Variants in DPYSL2 observed in about 807,000 individuals in gnomAD.
The protein encoded by DPYSL2 is dihydropyrimidinase-related protein 2.
A neutral mutation model predicts 69.9 loss-of-function variants in DPYSL2; 13 were observed. That is an observed-to-expected ratio of 0.19 (90% CI 0.12 to 0.30). DPYSL2 has a LOEUF of 0.30. DPYSL2 is among the 10% of genes least tolerant of loss of function. The pLI, the probability that DPYSL2 is intolerant of heterozygous loss-of-function variation, is 1.00. For synonymous variants in DPYSL2, 326 were observed against 359.1 expected, an observed-to-expected ratio of 0.91 and a Z score of 1.04; for missense variants, 587 against 918.9, an observed-to-expected ratio of 0.64 and a Z score of 4.67.
At chr8:26,613,984 A>G (rs113781049) in intron 3 of DPYSL2, among the ~76,000 whole-genome samples, 7 of 152,140 alleles carry the variant, frequency 4.6e-5, no homozygotes, top group African/African-American at 1.7e-4. Flanking sequence ...TTAAAAATTA[A>G]CTGGGCATGG....
rs751054559 is a variant in DPYSL2 at position 26,627,957 on chromosome 8, C to T, written c.1005+17C>T. 1.2e-5 allele frequency: 20 copies of T among 1,611,782 alleles called. No individual in the cohort carries two copies. Among genetic ancestry groups the T allele is most frequent in the East Asian group, 4.5e-5 (2 of 44,828 alleles). ...CCTGAGGAGGTGAATGTTCACCAAG[C>T]GGAATGCGTGAATCAGTGTCCCTTG... On this transcript the variant is annotated intron_variant, in intron 7 of 13. Transcript: ENST00000521913. The surrounding 1 kb of genome is among the most constrained non-coding windows in gnomAD (Gnocchi z 6.9).
intron 1 of DPYSL2, among the ~76,000 whole-genome samples, chr8:26,569,512 T>A (rs62491884): frequency 0.014 from 2,070 of 152,252 alleles, 26 homozygotes; most frequent in Middle Eastern, 0.075. Flanking sequence ...TTTAGAAAGG[T>A]TCTCCTGTTC....
chr8:26,549,201 T>TAATAATAATAAC (rs1554534391), intron 1 of DPYSL2, among the ~76,000 whole-genome samples: 1 of 20,888 alleles, frequency 4.8e-5, no homozygotes, highest in Non-Finnish European at 1.6e-4. Context: ...AAAATTAAGT[T>TAATAATAATAAC]AATAATAATA....
Position 26,562,781 on chromosome 8 carries a change from G to T in DPYSL2, c.355-19188G>T, listed in dbSNP as rs1196461523. Among the ~76,000 whole-genome samples the T allele has an allele frequency of 6.6e-6, 1 of 152,164 alleles. No individual in the cohort carries two copies. Among genetic ancestry groups the T allele is most frequent in the Non-Finnish European group, 1.5e-5 (1 of 68,046 alleles). On this transcript the variant is annotated intron_variant, in intron 1 of 13. Transcript: ENST00000521913. The surrounding 1 kb of genome is among the most constrained non-coding windows in gnomAD (Gnocchi z 4.9). Reference sequence around the variant, plus strand: ...GAACACAGTAGAGCAGGGATATGTTGTCTCTGCTCCACGATGTCTAGGGCC... The same window carrying T: ...GAACACAGTAGAGCAGGGATATGTTTTCTCTGCTCCACGATGTCTAGGGCC...
intron 3 of DPYSL2, among the ~76,000 whole-genome samples, chr8:26,611,527 C>T (rs900380044): frequency 3.3e-5 from 5 of 152,128 alleles, no homozygotes; most frequent in Non-Finnish European, 7.4e-5. Context: ...AAGCCAAGTT[C>T]GTGTTTCTCC....
intron 1 of DPYSL2, among the ~76,000 whole-genome samples, chr8:26,526,506 T>C (rs994165343): frequency 3.3e-5 from 5 of 152,252 alleles, no homozygotes; most frequent in African/African-American, 1.2e-4. Flanking sequence ...ATAATAGTCT[T>C]GTGCGTTTTT....
chr8:26,626,653 A>G lies in DPYSL2; in HGVS notation c.830A>G (p.Asp277Gly). ...NSFLVYMAFK[D>G]RFQLTDCQIY... The stretch of plus-strand genomic sequence containing the variant: ...TTCCTCGTGTACATGGCTTTCAAAG[A>G]TCGCTTCCAGCTAACGGATTGCCAG... The change falls in exon 5 of 14, where the codon GAT becomes GGT. Residue 277 changes from aspartate to glycine, a missense_variant. By Grantham distance (94) the Asp-to-Gly change is moderately conservative (BLOSUM62 -1). Coordinates refer to ENST00000521913, the MANE Select transcript of DPYSL2 (RefSeq NM_001197293.3). This position sits in a 1 kb window ranked among gnomAD's most constrained non-coding sequence, Gnocchi z 4.3. The G allele has an allele frequency of 6.2e-7, 1 of 1,614,188 alleles. No homozygotes were observed. The highest frequency in any genetic ancestry group is 8.5e-7 in the Non-Finnish European group (1 of 1,180,042).
In DPYSL2 at chr8:26,648,624, C is replaced by T. The variant is rs937422529; in HGVS notation, c.1596+824C>T. Reference sequence around the variant, plus strand: ...GGAGAGCTTTGGAAAAGAAATGGGCCTCGGGCAGAAGAGTTTCGTGTCAGG... The same window carrying T: ...GGAGAGCTTTGGAAAAGAAATGGGCTTCGGGCAGAAGAGTTTCGTGTCAGG... On this transcript the variant is annotated intron_variant, in intron 11 of 13. Transcript: ENST00000521913. This position sits in a 1 kb window ranked among gnomAD's most constrained non-coding sequence, Gnocchi z 4.3. 6.6e-6 allele frequency among the ~76,000 whole-genome samples: 1 copy of T among 152,178 alleles called. No homozygotes were observed. The highest frequency in any genetic ancestry group is 2.4e-5 in the African/African-American group (1 of 41,446).
At chr8:26,526,105 A>AT (rs1319529150) in intron 1 of DPYSL2, among the ~76,000 whole-genome samples, 1 of 151,348 alleles carries the variant, frequency 6.6e-6, no homozygotes, top group Non-Finnish European at 1.5e-5. Flanking sequence ...ATTTTATTTT[A>AT]TTTTTTCGAG....
In DPYSL2 at chr8:26,571,186, G is replaced by T. The variant is rs1801229304; in HGVS notation, c.355-10783G>T. ...ATGTTTTCCTCCTTCTATAAATAGA[G>T]GGTGGAGTGGGCTGGATCTGTCGCT... On this transcript the variant is annotated intron_variant, in intron 1 of 13. Transcript: ENST00000521913. The surrounding 1 kb of genome is among the most constrained non-coding windows in gnomAD (Gnocchi z 6.1). 6.6e-6 allele frequency among the ~76,000 whole-genome samples: 1 copy of T among 152,176 alleles called. No individual in the cohort carries two copies. Among genetic ancestry groups the T allele is most frequent in the Admixed American group, 6.6e-5 (1 of 15,266 alleles).
chr8:26,629,896 C>T (rs758311546), intron 7 of DPYSL2, among the ~76,000 whole-genome samples: 20 of 152,190 alleles, frequency 1.3e-4, no homozygotes, highest in Non-Finnish European at 2.8e-4. Flanking sequence ...CGCGCCCGGC[C>T]GAGGCTGATT....
In DPYSL2 at chr8:26,599,372, T is replaced by C. The variant is rs116578174; in HGVS notation, c.628+15389T>C. 6.7e-3 allele frequency among the ~76,000 whole-genome samples: 1,021 copies of C among 152,312 alleles called. 15 individuals are homozygous for C. The highest frequency in any genetic ancestry group is 0.023 in the African/African-American group (955 of 41,574). Reference sequence around the variant, plus strand: ...TCTGTCCATGATTGTGTCTGAAATGTCATTTTTTCTGGTTGTTTTCCCTCT... The same window carrying C: ...TCTGTCCATGATTGTGTCTGAAATGCCATTTTTTCTGGTTGTTTTCCCTCT... On this transcript the variant is annotated intron_variant, in intron 3 of 13. Coordinates refer to ENST00000521913, the MANE Select transcript of DPYSL2 (RefSeq NM_001197293.3).
Position 26,517,261 on chromosome 8 carries a change from T to G in DPYSL2, c.354+2582T>G, listed in dbSNP as rs915410118. On this transcript the variant is annotated intron_variant, in intron 1 of 13. Coordinates refer to ENST00000521913, the MANE Select transcript of DPYSL2 (RefSeq NM_001197293.3). The surrounding 1 kb of genome is among the most constrained non-coding windows in gnomAD (Gnocchi z 4.2). ...AGGCTTCCTTGACCCACATGCCACA[T>G]GGCTCATGGAAGATGAGAGATGTTG... Among the ~76,000 whole-genome samples the G allele has an allele frequency of 6.6e-6, 1 of 152,204 alleles. No individual in the cohort carries two copies. Among genetic ancestry groups the G allele is most frequent in the East Asian group, 1.9e-4 (1 of 5,190 alleles).
chr8:26,587,045 G>A lies in DPYSL2; in HGVS notation c.628+3062G>A, dbSNP rs1159470003. Among the ~76,000 whole-genome samples, 3 of 152,216 alleles carry A rather than the reference G, an allele frequency of 2.0e-5. No individual in the cohort carries two copies. The highest frequency in any genetic ancestry group is 4.4e-5 in the Non-Finnish European group (3 of 68,042). On this transcript the variant is annotated intron_variant, in intron 3 of 13. Transcript: ENST00000521913. This position sits in a 1 kb window ranked among gnomAD's most constrained non-coding sequence, Gnocchi z 4.2. The stretch of plus-strand genomic sequence containing the variant: ...TACTAGCCTGCCTTTCCCCGGGGGA[G>A]GGAATGGTAATAATACAGGTGAGGA...
rs1563397509 is a variant in DPYSL2 at position 26,585,558 on chromosome 8, CG to C, written c.628+1581del. 6.6e-6 allele frequency among the ~76,000 whole-genome samples: 1 copy of C among 152,080 alleles called. No homozygotes were observed. Among genetic ancestry groups the C allele is most frequent in the Admixed American group, 6.5e-5 (1 of 15,274 alleles). On this transcript the variant is annotated intron_variant, in intron 3 of 13. Coordinates refer to ENST00000521913, the MANE Select transcript of DPYSL2 (RefSeq NM_001197293.3). This position sits in a 1 kb window ranked among gnomAD's most constrained non-coding sequence, Gnocchi z 4.0. ...AGTGGGTGCCATTTTCCAGGGATGT[CG>C]GGGGGAGATTTCATGCACACCTAGG... is the stretch of plus-strand genomic sequence containing the variant.
chr8:26,563,027 T>A (rs1801098418), intron 1 of DPYSL2, among the ~76,000 whole-genome samples: 1 of 152,136 alleles, frequency 6.6e-6, no homozygotes, highest in Admixed American at 6.5e-5. Flanking sequence ...GTGTCTGAAC[T>A]CAGACCATGC....
intron 7 of DPYSL2, among the ~76,000 whole-genome samples, chr8:26,629,759 A>AT (rs934387700): frequency 1.3e-5 from 2 of 151,680 alleles, no homozygotes; most frequent in Admixed American, 1.3e-4. Flanking sequence ...ATTTTATTTT[A>AT]TTTTTTTTCC....
chr8:26,527,501 G>A (rs946193794), intron 1 of DPYSL2, among the ~76,000 whole-genome samples: 2 of 151,962 alleles, frequency 1.3e-5, no homozygotes, highest in Non-Finnish European at 2.9e-5. Flanking sequence ...ATTGTCTTTG[G>A]CCTCACTCTG....
At chr8:26,551,377 A>G (rs908642225) in intron 1 of DPYSL2, among the ~76,000 whole-genome samples, 15 of 152,244 alleles carry the variant, frequency 9.9e-5, no homozygotes, top group African/African-American at 3.4e-4. Context: ...CAATTCTCCA[A>G]GAAGATATAA....
Sources: gnomAD v4.1 joint callset for allele counts (sites outside exome capture counted in the v4.1 genomes callset) on GRCh38, gnomAD v4.1.1 for gene constraint, Gnocchi (gnomAD v3.1) non-coding constraint, MANE v1.5 for transcripts, NCBI Gene and HGNC (gene_info 2026-07-23, HGNC 2026-07-21) for gene names.